Variants in ABCG2 observed in about 807,000 individuals in gnomAD.
The protein encoded by ABCG2 is broad substrate specificity ATP-binding cassette transporter ABCG2.
Under a neutral mutation model 73.5 loss-of-function variants are expected in ABCG2, and 80 were observed. The ratio of observed to expected loss-of-function variants is 1.09; its 90% CI spans 0.91 to 1.31. The LOEUF (loss-of-function observed/expected upper bound fraction) is 1.31, where lower values mean the gene tolerates loss of function less well. ABCG2 is among the 50% of genes most tolerant of loss of function. The pLI, the probability that ABCG2 is intolerant of heterozygous loss-of-function variation, is 0.00. For synonymous variants in ABCG2, 269 were observed against 282.4 expected, an observed-to-expected ratio of 0.95 and a Z score of 0.48; for missense variants, 796 against 786.2, an observed-to-expected ratio of 1.01 and a Z score of -0.15.
chr4:88,204,001 A>G (rs1328548354), intron 1 of ABCG2, among the ~76,000 whole-genome samples: 1 of 152,202 alleles, frequency 6.6e-6, no homozygotes, highest in Admixed American at 6.5e-5. Flanking sequence ...AACTCTTTAA[A>G]TATAATTATT....
At chr4:88,126,580 T>C (rs922570413) in intron 5 of ABCG2, among the ~76,000 whole-genome samples, 3 of 152,192 alleles carry the variant, frequency 2.0e-5, no homozygotes, top group African/African-American at 4.8e-5. Context: ...TTATCCACCA[T>C]GATCAAGTCA....
chr4:88,131,974 G>T, intron 3 of ABCG2, 57 bp from the exon 4 acceptor site: 1 of 1,345,946 alleles, frequency 7.4e-7, no homozygotes. Flanking sequence ...TATATATGTT[G>T]TGGGGTTTTT....
chr4:88,127,960 A>AG (rs1482217201), intron 5 of ABCG2, among the ~76,000 whole-genome samples: 2 of 125,240 alleles, frequency 1.6e-5, no homozygotes, highest in South Asian at 2.6e-4. Context: ...AAAAAGAAAG[A>AG]AAAAAAAAAA....
intron 1 of ABCG2, among the ~76,000 whole-genome samples, chr4:88,177,335 G>T (rs571281485): frequency 6.6e-6 from 1 of 151,436 alleles, no homozygotes; most frequent in Non-Finnish European, 1.5e-5. Flanking sequence ...GATTGGCCAC[G>T]GCACTCCAGC....
chr4:88,196,755 A>T (rs1008681903), intron 1 of ABCG2, among the ~76,000 whole-genome samples: 10 of 151,812 alleles, frequency 6.6e-5, no homozygotes, highest in Admixed American at 2.6e-4. Flanking sequence ...TACCTCCTGG[A>T]ACTTTATGAT....
chr4:88,187,887 T>A (rs988625810), intron 1 of ABCG2, among the ~76,000 whole-genome samples: 1 of 152,320 alleles, frequency 6.6e-6, no homozygotes, highest in South Asian at 2.1e-4. Flanking sequence ...CACACAAATA[T>A]CTTTTGTATC....
At chr4:88,113,061 A>G (rs967017811) in intron 9 of ABCG2, among the ~76,000 whole-genome samples, 6 of 152,100 alleles carry the variant, frequency 3.9e-5, no homozygotes, top group Non-Finnish European at 8.8e-5. Flanking sequence ...CAGTGAGCTG[A>G]GTTCATGCCA....
chr4:88,117,384 G>T lies in ABCG2; in HGVS notation c.841+725C>A, dbSNP rs377340310. On this transcript the variant is annotated intron_variant, in intron 7 of 15. Coordinates refer to ENST00000237612, the MANE Select transcript of ABCG2 (RefSeq NM_004827.3). ...GCAGTGGCTCACACCTATAATCCCA[G>T]CACGTTGGGAGGCCGAGGTGGCAGA... Among the ~76,000 whole-genome samples, 10 of 151,548 alleles carry T rather than the reference G, an allele frequency of 6.6e-5. No homozygotes were observed. The East Asian group carries it at 1.9e-3, about 29-fold the overall frequency.
intron 14 of ABCG2, 129 bp downstream of exon 14, chr4:88,095,391 G>A (rs1721916151): frequency 1.3e-6 from 1 of 761,780 alleles, no homozygotes; most frequent in Non-Finnish European, 2.2e-6. Context: ...CTCATTCCTT[G>A]CTCCTAAAAG....
At chr4:88,165,954 T>C (rs763907045) in intron 1 of ABCG2, among the ~76,000 whole-genome samples, 1 of 152,090 alleles carries the variant, frequency 6.6e-6, no homozygotes, top group Non-Finnish European at 1.5e-5. Flanking sequence ...TTTGCTAAAG[T>C]AACCTATCAT....
chr4:88,156,149 C>T (rs1246535212), intron 1 of ABCG2, among the ~76,000 whole-genome samples: 1 of 151,118 alleles, frequency 6.6e-6, no homozygotes, highest in African/African-American at 2.4e-5. Flanking sequence ...CCGAGGCGGG[C>T]AGATCACTTG....
upstream of ABCG2, chr4:88,158,796 G>A: frequency 5.9e-6 from 2 of 340,570 alleles, no homozygotes; most frequent in South Asian, 4.4e-5. Context: ...GTCACGATGG[G>A]AGCCGGCGGG....
intron 15 of ABCG2, among the ~76,000 whole-genome samples, chr4:88,093,503 C>CA (rs10533191): frequency 1.4e-4 from 15 of 104,968 alleles, no homozygotes; most frequent in East Asian, 2.7e-4. Flanking sequence ...GACTCCATTT[C>CA]AAAAAAAAAA....
At position 88,109,668 on chromosome 4, in the gene ABCG2, C is replaced by A. The variant is rs537423586; in HGVS notation, c.1195-2402G>T. On this transcript the variant is annotated intron_variant, in intron 9 of 15. Coordinates refer to ENST00000237612, the MANE Select transcript of ABCG2 (RefSeq NM_004827.3). Reference sequence around the variant, plus strand: ...GATAATCCATTCATTCTAAGATTTTCCAAATACAACCTTTGGAAGATGCAT... The same window carrying A: ...GATAATCCATTCATTCTAAGATTTTACAAATACAACCTTTGGAAGATGCAT... Among the ~76,000 whole-genome samples, 7 of 152,310 alleles carry A rather than the reference C, an allele frequency of 4.6e-5. No homozygotes were observed. In the East Asian group the frequency reaches 1.3e-3, roughly 29 times the overall value.
chr4:88,115,256 C>CTCTCTCTCTCTCTCTCTCTATATA (rs1309360818), intron 7 of ABCG2, among the ~76,000 whole-genome samples, 198 bp from the exon 8 acceptor site: 17 of 69,848 alleles, frequency 2.4e-4, no homozygotes, highest in African/African-American at 6.8e-4. Flanking sequence ...CTCTCTCTCT[C>CTCTCTCTCTCTCTCTCTCTATATA]TATATATATA....
rs1723983668 is a variant in ABCG2, at chr4:88,121,630, T to C, written c.689+5A>G. On this transcript the variant is annotated splice_donor_5th_base_variant and intron_variant, in intron 6 of 15. Transcript: ENST00000237612. ...ACTAAAGAATAATGTTTCCAGAGCATTTACCTTTTCAGGAGCAAAAGGACA... is the reference window on the plus strand; with the variant it reads ...ACTAAAGAATAATGTTTCCAGAGCACTTACCTTTTCAGGAGCAAAAGGACA... 1 of 1,613,020 alleles carries C rather than the reference T, an allele frequency of 6.2e-7. No individual in the cohort carries two copies. The highest frequency in any genetic ancestry group is 8.5e-7 in the Non-Finnish European group (1 of 1,179,606).
chr4:88,125,110 G>C (rs1724295270), intron 5 of ABCG2, among the ~76,000 whole-genome samples: 1 of 151,776 alleles, frequency 6.6e-6, no homozygotes, highest in South Asian at 2.1e-4. Flanking sequence ...GGCTAACACG[G>C]TGAAACCCCG....
intron 6 of ABCG2, among the ~76,000 whole-genome samples, chr4:88,119,367 G>A (rs563087977): frequency 1.3e-5 from 2 of 152,354 alleles, no homozygotes; most frequent in South Asian, 2.1e-4. Context: ...GGTAGAGCAG[G>A]ATGCTGCTGT....
chr4:88,188,642 C>CA (rs35965485), intron 1 of ABCG2, among the ~76,000 whole-genome samples: 1 of 152,044 alleles, frequency 6.6e-6, no homozygotes, highest in African/African-American at 2.4e-5. Context: ...TCTATTTCTA[C>CA]AAAAAAATGG....
Sources: gnomAD v4.1 joint callset for allele counts (sites outside exome capture counted in the v4.1 genomes callset) on GRCh38, gnomAD v4.1.1 for gene constraint, MANE v1.5 for transcripts, NCBI Gene and HGNC (gene_info 2026-07-23, HGNC 2026-07-21) for gene names.